The following KCNH1 variants were observed in gnomAD, a reference collection of about 807,000 sequenced individuals.
KCNH1 encodes voltage-gated delayed rectifier potassium channel KCNH1.
KCNH1 carries 27 observed loss-of-function variants against 69.2 expected under a neutral mutation model. That is an observed-to-expected ratio of 0.39 (90% CI 0.29 to 0.54). KCNH1 has a LOEUF of 0.54. Ranked by LOEUF, KCNH1 falls within the 20% of genes least tolerant of loss-of-function variation. The pLI, the probability that KCNH1 is intolerant of heterozygous loss-of-function variation, is 0.68. For synonymous variants in KCNH1, 456 were observed against 487.7 expected (o/e 0.93, Z 0.86); for missense variants, 798 against 1,261.6 (o/e 0.63, Z 5.57).
chr1:210,981,961 C>T (rs1008346758), intron 6 of KCNH1, among the ~76,000 whole-genome samples: 6 of 151,982 alleles, frequency 3.9e-5, no homozygotes, highest in South Asian at 4.1e-4. Flanking sequence ...GAAGCGGGTA[C>T]GGTTTGAAAG....
chr1:210,698,945 C>A (rs1681709168), intron 10 of KCNH1, among the ~76,000 whole-genome samples: 1 of 152,188 alleles, frequency 6.6e-6, no homozygotes. Context: ...GGACTTCCTA[C>A]CTTTATTTGA....
chr1:210,842,342 CTCTT>C (rs1285772525), intron 7 of KCNH1, among the ~76,000 whole-genome samples: 1 of 152,132 alleles, frequency 6.6e-6, no homozygotes, highest in Non-Finnish European at 1.5e-5. Flanking sequence ...AAAAATCAAA[CTCTT>C]TATTTAGAGA....
At chr1:210,907,489 GC>G (rs571460385) in intron 7 of KCNH1, among the ~76,000 whole-genome samples, 28 of 151,528 alleles carry the variant, frequency 1.8e-4, no homozygotes, top group South Asian at 4.2e-4. Context: ...GTGTCTTCTG[GC>G]CCAAGCTCAA....
chr1:211,056,822 C>G lies in KCNH1; in HGVS notation c.558+25958G>C, dbSNP rs561824137. ...TGGTACCTCTACGAGTCTGCAAGAG[C>G]CACAGCTTGGGGTGTGCCCTTATGC... is the stretch of plus-strand genomic sequence containing the variant. On this transcript the variant is annotated intron_variant, in intron 5 of 10. Transcript: ENST00000271751. Among the ~76,000 whole-genome samples, 7 of 152,338 alleles carry G rather than the reference C, an allele frequency of 4.6e-5. No individual in the cohort carries two copies. In the South Asian group the frequency reaches 1.5e-3, roughly 32 times the overall value.
intron 1 of KCNH1, among the ~76,000 whole-genome samples, chr1:211,127,080 C>T (rs780838157): frequency 7.9e-5 from 12 of 152,110 alleles, no homozygotes; most frequent in Non-Finnish European, 1.3e-4. Flanking sequence ...GCATGTTGGC[C>T]TCCGTCATAG....
At chr1:211,095,820 T>C (rs1366318764) in intron 3 of KCNH1, among the ~76,000 whole-genome samples, 1 of 152,162 alleles carries the variant, frequency 6.6e-6, no homozygotes, top group East Asian at 1.9e-4. Flanking sequence ...ACAGAGAGGA[T>C]GAGACAGCAC....
At chr1:210,860,937 G>T in intron 7 of KCNH1, 1 of 952,400 alleles carries the variant, frequency 1.0e-6, no homozygotes, top group Non-Finnish European at 1.7e-6. Context: ...GATCATTACA[G>T]ATCTTTTTCT....
At chr1:210,845,159 G>C (rs1354504108) in intron 7 of KCNH1, among the ~76,000 whole-genome samples, 1 of 152,134 alleles carries the variant, frequency 6.6e-6, no homozygotes, top group Non-Finnish European at 1.5e-5. Flanking sequence ...ACAAAGAGGA[G>C]CTGGTACCAT....
chr1:210,938,350 C>T (rs959699529), intron 6 of KCNH1, among the ~76,000 whole-genome samples: 30 of 152,106 alleles, frequency 2.0e-4, no homozygotes, highest in Non-Finnish European at 3.4e-4. Context: ...CTAGAAATAT[C>T]GATTGTCCCC....
chr1:210,690,427 C>T (rs1045820419), intron 10 of KCNH1, among the ~76,000 whole-genome samples: 34 of 152,182 alleles, frequency 2.2e-4, no homozygotes, highest in African/African-American at 8.0e-4. Context: ...GCCATAATAT[C>T]CCCACAGGCT....
intron 5 of KCNH1, among the ~76,000 whole-genome samples, chr1:211,063,004 C>A (rs1214108106): frequency 1.3e-5 from 2 of 152,240 alleles, no homozygotes; most frequent in African/African-American, 4.8e-5. Context: ...GATATCTGCA[C>A]TTCCCATATT....
At chr1:210,710,099 T>A (rs1302505947) in intron 10 of KCNH1, among the ~76,000 whole-genome samples, 3 of 152,250 alleles carry the variant, frequency 2.0e-5, no homozygotes, top group African/African-American at 7.2e-5. Context: ...ATATGGTATA[T>A]CCTGTTGCTC....
At chr1:210,918,695 G>C (rs115630828) in intron 7 of KCNH1, among the ~76,000 whole-genome samples, 38 of 152,224 alleles carry the variant, frequency 2.5e-4, no homozygotes, top group African/African-American at 8.2e-4. Flanking sequence ...AGCTGAACAA[G>C]GGCCTTTCTT....
chr1:210,872,043 A>G (rs115736470), intron 7 of KCNH1, among the ~76,000 whole-genome samples: 20,238 of 151,612 alleles, frequency 0.13, 1,542 homozygotes, highest in Non-Finnish European at 0.17. Flanking sequence ...CCCAAAACTT[A>G]AAGTATAATA....
At chr1:210,864,590 ATCCTAC>A (rs1686064037) in intron 7 of KCNH1, among the ~76,000 whole-genome samples, 1 of 152,214 alleles carries the variant, frequency 6.6e-6, no homozygotes, top group African/African-American at 2.4e-5. Context: ...TAGTGCCCAA[ATCCTAC>A]CTCTATGGAG....
At chr1:210,959,441 C>G (rs1000883260) in intron 6 of KCNH1, among the ~76,000 whole-genome samples, 1 of 152,204 alleles carries the variant, frequency 6.6e-6, no homozygotes, top group Non-Finnish European at 1.5e-5. Context: ...AGAACCACTG[C>G]TCTCTTCAGA....
intron 6 of KCNH1, among the ~76,000 whole-genome samples, chr1:210,955,672 T>A (rs1558540014): frequency 6.6e-6 from 1 of 152,216 alleles, no homozygotes; most frequent in East Asian, 1.9e-4. Flanking sequence ...CAATTGTGAA[T>A]TGGAGTTCAC....
At chr1:210,920,838 T>A (rs1397973011) in intron 6 of KCNH1, among the ~76,000 whole-genome samples, 3 of 152,158 alleles carry the variant, frequency 2.0e-5, no homozygotes, top group African/African-American at 7.2e-5. Flanking sequence ...CACCACCTAC[T>A]TAAATACAAT....
chr1:210,799,706 C>G (rs116278049), intron 8 of KCNH1, among the ~76,000 whole-genome samples: 2,172 of 152,260 alleles, frequency 0.014, 55 homozygotes, highest in African/African-American at 0.049. Flanking sequence ...TCAGTGATGA[C>G]GTTTTCCTTG....
Sources: allele counts gnomAD v4.1 joint callset (sites outside exome capture counted in the v4.1 genomes callset), GRCh38; gene constraint gnomAD v4.1.1; transcripts MANE v1.5; gene names NCBI Gene and HGNC (gene_info 2026-07-23, HGNC 2026-07-21).